Variants in TRPC5 observed in about 807,000 individuals in gnomAD.
TRPC5 encodes transient receptor potential cation channel subfamily C member 5.
In TRPC5, 9 loss-of-function variants were observed where a neutral mutation model predicts 56.5. The ratio of observed to expected loss-of-function variants is 0.16; its 90% CI spans 0.10 to 0.28. The LOEUF (loss-of-function observed/expected upper bound fraction) is 0.28. Among genes scored for constraint, TRPC5 ranks in the 10% least tolerant of loss-of-function variants. TRPC5 has a pLI of 1.00. For missense variants in TRPC5, 469 were observed against 748.9 expected, an observed-to-expected ratio of 0.63 and a Z score of 4.36; for synonymous variants, 282 against 278.5, an observed-to-expected ratio of 1.01 and a Z score of -0.13.
intron 1 of TRPC5, among the ~76,000 whole-genome samples, chrX:111,961,102 G>A (rs1007157550): frequency 2.7e-5 from 3 of 112,025 alleles, no homozygotes; most frequent in Non-Finnish European, 3.8e-5. Flanking sequence ...CAGCCAACGT[G>A]CCCGGCCTAC....
intron 1 of TRPC5, among the ~76,000 whole-genome samples, chrX:111,976,964 A>G (rs1021726135): frequency 2.7e-5 from 3 of 111,544 alleles, no homozygotes; most frequent in Non-Finnish European, 5.6e-5. Flanking sequence ...TGCACTGAAA[A>G]TCATAAAATA....
At chrX:111,979,073 T>C (rs940698629) in intron 1 of TRPC5, among the ~76,000 whole-genome samples, 3 of 111,111 alleles carry the variant, frequency 2.7e-5, no homozygotes, top group Non-Finnish European at 5.7e-5. Flanking sequence ...GATGTACACA[T>C]TGGACTTTTG....
intron 7 of TRPC5, among the ~76,000 whole-genome samples, chrX:111,809,894 G>T (rs58487179): frequency 0.13 from 13,079 of 103,051 alleles, 1,932 homozygotes; most frequent in African/African-American, 0.44. Context: ...TTTTTTTTTT[G>T]TTGTTGTTGT....
chrX:111,800,892 T>A (rs1202726574), intron 7 of TRPC5, among the ~76,000 whole-genome samples: 3 of 111,537 alleles, frequency 2.7e-5, no homozygotes, highest in African/African-American at 9.8e-5. Context: ...ATAAGCAGAT[T>A]ATTGACTACA....
intron 2 of TRPC5, among the ~76,000 whole-genome samples, chrX:111,925,400 T>A (rs781765605): frequency 6.2e-5 from 7 of 112,432 alleles, no homozygotes; most frequent in Admixed American, 2.8e-4. Flanking sequence ...TAGACTGTTA[T>A]AGTTTTAGAA....
chrX:111,828,826 G>A (rs1484362432), intron 7 of TRPC5, among the ~76,000 whole-genome samples: 1 of 112,157 alleles, frequency 8.9e-6, no homozygotes, highest in Non-Finnish European at 1.9e-5. Context: ...ATGAAGTCCA[G>A]GCTGAGGTGA....
chrX:112,038,797 T>C (rs1044990076), intron 1 of TRPC5, among the ~76,000 whole-genome samples: 1 of 108,959 alleles, frequency 9.2e-6, no homozygotes, highest in African/African-American at 3.3e-5. Flanking sequence ...TTCTCCTGCC[T>C]CAGCCTCCCG....
At chrX:112,001,494 T>G (rs141240145) in intron 1 of TRPC5, among the ~76,000 whole-genome samples, 2 of 112,325 alleles carry the variant, frequency 1.8e-5, no homozygotes, top group African/African-American at 6.5e-5. Context: ...GTGCAGGGAC[T>G]CACACCTGTA....
chrX:111,974,320 C>T (rs754085641), intron 1 of TRPC5, among the ~76,000 whole-genome samples: 1 of 110,846 alleles, frequency 9.0e-6, no homozygotes, highest in African/African-American at 3.3e-5. Flanking sequence ...CTAGAGATCA[C>T]AGGAGAGGGT....
chrX:111,972,973 T>C (rs925290156), intron 1 of TRPC5, among the ~76,000 whole-genome samples: 3 of 111,791 alleles, frequency 2.7e-5, no homozygotes, highest in Non-Finnish European at 5.6e-5. Context: ...TTTTCTTCTT[T>C]CAATTTTTCC....
chrX:111,868,638 C>T (rs1923621271), intron 3 of TRPC5, among the ~76,000 whole-genome samples: 2 of 112,061 alleles, frequency 1.8e-5, no homozygotes, highest in Non-Finnish European at 3.8e-5. Context: ...AGCTGGGAGA[C>T]TTACAGCTGT....
intron 1 of TRPC5, among the ~76,000 whole-genome samples, chrX:111,982,870 G>T (rs1928118459): frequency 9.0e-6 from 1 of 111,058 alleles, no homozygotes; most frequent in South Asian, 3.9e-4. Flanking sequence ...TAGATTTTTG[G>T]AACTGTGAAT....
At chrX:112,022,891 A>C (rs2147712393) in intron 1 of TRPC5, among the ~76,000 whole-genome samples, 1 of 112,344 alleles carries the variant, frequency 8.9e-6, no homozygotes, top group Admixed American at 9.4e-5. Context: ...AACAATGTGA[A>C]GCCCTCTGTT....
intron 3 of TRPC5, among the ~76,000 whole-genome samples, chrX:111,901,043 A>G (rs1367165684): frequency 9.0e-6 from 1 of 111,628 alleles, no homozygotes; most frequent in Non-Finnish European, 1.9e-5. Context: ...TGGGGCAGTA[A>G]TAGGAAATTA....
intron 3 of TRPC5, among the ~76,000 whole-genome samples, chrX:111,860,395 T>A (rs1486388729): frequency 8.9e-6 from 1 of 112,615 alleles, no homozygotes; most frequent in African/African-American, 3.2e-5. Context: ...AAATTGGTTT[T>A]TTTATTAGTT....
intron 1 of TRPC5, among the ~76,000 whole-genome samples, chrX:112,005,811 C>A (rs750940650): frequency 1.8e-5 from 2 of 111,669 alleles, no homozygotes; most frequent in East Asian, 5.7e-4. Flanking sequence ...TCAGGATGAA[C>A]CTTTGCTGCA....
intron 2 of TRPC5, among the ~76,000 whole-genome samples, chrX:111,918,017 T>C (rs1295568059): frequency 8.9e-6 from 1 of 111,883 alleles, no homozygotes; most frequent in Non-Finnish European, 1.9e-5. Context: ...AGGCTGCATC[T>C]TGAGCACCTT....
intron 1 of TRPC5, among the ~76,000 whole-genome samples, chrX:112,049,358 G>T (rs754276388): frequency 9.2e-6 from 1 of 108,392 alleles, no homozygotes; most frequent in Non-Finnish European, 1.9e-5. Flanking sequence ...ACCACCAACT[G>T]CATGGGGCAC....
intron 1 of TRPC5, among the ~76,000 whole-genome samples, chrX:112,078,440 C>T (rs1293889806): frequency 9.0e-6 from 1 of 111,722 alleles, no homozygotes. Flanking sequence ...GTGGTTTTGC[C>T]ACTGTTGTTA....
Sources: allele counts gnomAD v4.1 joint callset (sites outside exome capture counted in the v4.1 genomes callset), GRCh38; gene constraint gnomAD v4.1.1; transcripts MANE v1.5; gene names NCBI Gene and HGNC (gene_info 2026-07-23, HGNC 2026-07-21).